PUS7: variants seen among roughly 807,000 people sequenced by gnomAD.
PUS7 encodes the protein pseudouridylate synthase 7 homolog.
Under a neutral mutation model 79.8 loss-of-function variants are expected in PUS7, and 48 were observed. The observed-to-expected ratio is 0.60, with a 90% CI of 0.48 to 0.76. PUS7 has a LOEUF of 0.76. PUS7 is among the 30% of genes least tolerant of loss of function. The pLI, the probability that PUS7 is intolerant of heterozygous loss-of-function variation, is 0.00. For missense variants in PUS7, 729 were observed against 797.6 expected, an observed-to-expected ratio of 0.91 and a Z score of 1.04; for synonymous variants, 286 against 272.2, an observed-to-expected ratio of 1.05 and a Z score of -0.50.
intron 1 of PUS7, among the ~76,000 whole-genome samples, chr7:105,509,764 C>A (rs549752439): frequency 6.6e-6 from 1 of 152,258 alleles, no homozygotes; most frequent in Non-Finnish European, 1.5e-5. Flanking sequence ...TAGGTGTGAG[C>A]CACCCTGCCT....
At chr7:105,469,810 C>T (rs557402221) in intron 11 of PUS7, among the ~76,000 whole-genome samples, 1 of 152,318 alleles carries the variant, frequency 6.6e-6, no homozygotes, top group African/African-American at 2.4e-5. Flanking sequence ...CCAGGTTGGT[C>T]TCGAACTCCT....
At chr7:105,475,496 A>T (rs898523617) in intron 9 of PUS7, among the ~76,000 whole-genome samples, 17 of 150,998 alleles carry the variant, frequency 1.1e-4, no homozygotes, top group Non-Finnish European at 3.0e-5. Flanking sequence ...TTTTTTTTGT[A>T]TTTTTTTAGT....
chr7:105,514,068 A>C (rs957523241), intron 1 of PUS7, among the ~76,000 whole-genome samples: 2 of 135,102 alleles, frequency 1.5e-5, no homozygotes, highest in Non-Finnish European at 3.2e-5. Flanking sequence ...GTCTCTACTA[A>C]AAAATACAAA....
intron 7 of PUS7, among the ~76,000 whole-genome samples, chr7:105,486,845 A>T (rs1043676951): frequency 5.3e-5 from 8 of 151,996 alleles, no homozygotes; most frequent in Admixed American, 5.2e-4. Context: ...GAATTGCTTG[A>T]GATGAGGAGT....
intron 7 of PUS7, among the ~76,000 whole-genome samples, chr7:105,490,005 G>A (rs528579109): frequency 4.6e-5 from 7 of 151,600 alleles, no homozygotes; most frequent in Admixed American, 1.3e-4. Context: ...TGTAATCCCA[G>A]CTACTTGGGA....
At position 105,481,638 on chromosome 7, in the gene PUS7, C is replaced by G. The variant is rs186418759; in HGVS notation, c.1050-461G>C. On this transcript the variant is annotated intron_variant, in intron 8 of 15. Coordinates refer to ENST00000469408, the MANE Select transcript of PUS7 (RefSeq NM_019042.5). Reference sequence around the variant, plus strand: ...CCCTAAACAGTAACTTTCCATTACCCCTACCCTACCCTTTCCCCAGTAACC... The same window carrying G: ...CCCTAAACAGTAACTTTCCATTACCGCTACCCTACCCTTTCCCCAGTAACC... Among the ~76,000 whole-genome samples the G allele has an allele frequency of 1.1e-3, 167 of 152,262 alleles. 1 individual carries two copies. The highest frequency in any genetic ancestry group is 3.9e-3 in the African/African-American group (160 of 41,544).
At chr7:105,506,855 C>G (rs149558064) in intron 2 of PUS7, among the ~76,000 whole-genome samples, 45 of 152,152 alleles carry the variant, frequency 3.0e-4, no homozygotes, top group African/African-American at 1.1e-3. Flanking sequence ...TTAACATTAC[C>G]CTATGACGAT....
chr7:105,465,444 A>C (rs1290493865), intron 12 of PUS7, 30 bp from the exon 13 acceptor site: 3 of 1,458,296 alleles, frequency 2.1e-6, no homozygotes, highest in Non-Finnish European at 2.9e-6. Context: ...CAATAAATTA[A>C]GAAAATAGGC....
chr7:105,478,056 G>A (rs560676614), intron 9 of PUS7, among the ~76,000 whole-genome samples: 22 of 152,200 alleles, frequency 1.4e-4, no homozygotes, highest in African/African-American at 4.6e-4. Flanking sequence ...TGATCCTGCC[G>A]CCTTGGCCTC....
chr7:105,474,469 A>C (rs1586109758), intron 9 of PUS7, among the ~76,000 whole-genome samples: 1 of 152,092 alleles, frequency 6.6e-6, no homozygotes, highest in East Asian at 1.9e-4. Context: ...AGATTTTTAC[A>C]CTAAAAAACC....
At chr7:105,472,425 T>C (rs921892083) in intron 9 of PUS7, among the ~76,000 whole-genome samples, 1 of 152,156 alleles carries the variant, frequency 6.6e-6, no homozygotes, top group Non-Finnish European at 1.5e-5. Context: ...TTTTAATTTA[T>C]TGTAGAGATG....
chr7:105,468,519 G>C, intron 11 of PUS7, 56 bp from the exon 12 acceptor site: 1 of 1,460,740 alleles, frequency 6.8e-7, no homozygotes. Flanking sequence ...AAAAAGTGCT[G>C]TACTTTTTTT....
At chr7:105,484,129 T>C (rs980176642) in intron 7 of PUS7, among the ~76,000 whole-genome samples, 5 of 152,196 alleles carry the variant, frequency 3.3e-5, no homozygotes, top group African/African-American at 1.2e-4. Context: ...TTTTACACTC[T>C]AAGAGTCTCT....
chr7:105,470,774 G>A lies in PUS7; in HGVS notation c.1312C>T (p.Leu438=), dbSNP rs1473708190. The change falls in exon 11 of 16, where the codon CTA becomes TTA. Residue 438 remains leucine (L), a synonymous_variant. Coordinates refer to ENST00000469408, the MANE Select transcript of PUS7 (RefSeq NM_019042.5). ...TKDPTAALRK[L]PVKRCVEGQL... ...CCTTCCACACACCTTTTGACAGGTA[G>A]TTTTCTGAGGGCAGCAGTTGGGTCT... 6.2e-7 allele frequency: 1 copy of A among 1,612,830 alleles called. No homozygotes were observed. Among genetic ancestry groups the A allele is most frequent in the South Asian group, 1.1e-5 (1 of 91,016 alleles).
At chr7:105,479,882 C>T (rs1420936013) in intron 9 of PUS7, among the ~76,000 whole-genome samples, 1 of 152,082 alleles carries the variant, frequency 6.6e-6, no homozygotes, top group Non-Finnish European at 1.5e-5. Context: ...CCTGCAATCC[C>T]AGTTACGTGG....
chr7:105,519,291 T>C (rs1826013744), intron 1 of PUS7, among the ~76,000 whole-genome samples: 1 of 151,672 alleles, frequency 6.6e-6, no homozygotes, highest in African/African-American at 2.4e-5. Flanking sequence ...TGGAGTGCAG[T>C]GGTGCAGTCT....
chr7:105,468,251 TAATA>T (rs1823736726), intron 12 of PUS7, 82 bp downstream of exon 12: 1 of 1,517,312 alleles, frequency 6.6e-7, no homozygotes, highest in Admixed American at 2.1e-5. Flanking sequence ...CTTTCTTAAT[TAATA>T]GCCAGGATGG....
intron 5 of PUS7, among the ~76,000 whole-genome samples, chr7:105,499,033 A>G (rs1825147052): frequency 6.6e-6 from 1 of 152,176 alleles, no homozygotes; most frequent in African/African-American, 2.4e-5. Flanking sequence ...TCCTCTTTGC[A>G]GGTTATTTGA....
At chr7:105,464,409 G>C (rs1041473994) in intron 13 of PUS7, among the ~76,000 whole-genome samples, 6 of 152,198 alleles carry the variant, frequency 3.9e-5, no homozygotes, top group African/African-American at 1.2e-4. Context: ...TTCTAGAGAA[G>C]ACTGGCATGT....
Sources: allele counts gnomAD v4.1 joint callset (sites outside exome capture counted in the v4.1 genomes callset), GRCh38; gene constraint gnomAD v4.1.1; transcripts MANE v1.5; gene names NCBI Gene and HGNC (gene_info 2026-07-23, HGNC 2026-07-21).